The following XRN1 variants were observed in gnomAD, a reference collection of about 807,000 sequenced individuals.
XRN1 encodes strand-exchange protein 1 homolog.
A neutral mutation model predicts 222.3 loss-of-function variants in XRN1; 67 were observed. That is an observed-to-expected ratio of 0.30 (90% CI 0.25 to 0.37). The LOEUF (loss-of-function observed/expected upper bound fraction) is 0.37, where lower values mean the gene tolerates loss of function less well. Ranked by LOEUF, XRN1 falls within the 10% of genes least tolerant of loss-of-function variation. XRN1 has a pLI of 1.00. For synonymous variants in XRN1, 643 were observed against 652.4 expected, an observed-to-expected ratio of 0.99 and a Z score of 0.22; for missense variants, 1,707 against 2,000.2, an observed-to-expected ratio of 0.85 and a Z score of 2.80.
chr3:142,377,529 C>A (rs2067180988), intron 23 of XRN1, among the ~76,000 whole-genome samples: 1 of 152,090 alleles, frequency 6.6e-6, no homozygotes, highest in Admixed American at 6.5e-5. Context: ...GCACTTAATG[C>A]CCTTGAGCCA....
chr3:142,370,594 G>A lies in XRN1; in HGVS notation c.3095C>T (p.Thr1032Ile). The change falls in exon 27 of 41, where the codon ACT (threonine) becomes ATT (isoleucine). Residue 1032 changes from threonine to isoleucine, a missense_variant. Physicochemically the swap from Thr to Ile is moderately conservative, Grantham distance 89 (BLOSUM62 -1). Coordinates refer to ENST00000392981, the MANE Select transcript of XRN1 (RefSeq NM_001282857.2). ...ACTGACAGGATGTCCTTTTAGCCAA[G>A]TAATAATTTCTTGAACTTTTTCAGC... ...NGAEKVQEIITWLKGHPVSTL... is the reference protein window; with the variant it reads ...NGAEKVQEIIIWLKGHPVSTL... The A allele has an allele frequency of 1.9e-6, 3 of 1,581,636 alleles. No homozygotes were observed. Among genetic ancestry groups the A allele is most frequent in the Non-Finnish European group, 2.6e-6 (3 of 1,169,728 alleles).
At chr3:142,405,525 A>T (rs571717676) in intron 15 of XRN1, among the ~76,000 whole-genome samples, 188 of 152,172 alleles carry the variant, frequency 1.2e-3, no homozygotes, top group Middle Eastern at 6.8e-3. Context: ...TCTTTTTTTT[A>T]AAAAAAGAAT....
At chr3:142,371,154 T>C (rs2066979191) in intron 26 of XRN1, 85 bp downstream of exon 26, 10 of 1,065,844 alleles carry the variant, frequency 9.4e-6, no homozygotes, top group South Asian at 7.5e-5. Context: ...AAAAGTAATA[T>C]GAAATTCTTG....
chr3:142,412,511 T>C (rs1350212861), intron 15 of XRN1, 33 bp downstream of exon 15: 2 of 1,539,988 alleles, frequency 1.3e-6, no homozygotes, highest in South Asian at 1.3e-5. Context: ...ATTAAGAATG[T>C]ATGTGTATGT....
intron 26 of XRN1, 95 bp from the exon 27 acceptor site, chr3:142,370,715 C>CCCGATTAAGTTCAGTG: frequency 1.9e-6 from 2 of 1,071,186 alleles, no homozygotes; most frequent in African/African-American, 1.6e-5. Context: ...AATAATTAGT[C>CCCGATTAAGTTCAGTG]ACTGAACTTA....
intron 37 of XRN1, among the ~76,000 whole-genome samples, chr3:142,321,020 TGTTA>T (rs1188220421): frequency 6.6e-6 from 1 of 152,020 alleles, no homozygotes; most frequent in Non-Finnish European, 1.5e-5. Flanking sequence ...TCATATATTA[TGTTA>T]GTTAGGTAAG....
chr3:142,404,256 T>C (rs987068538), intron 16 of XRN1, among the ~76,000 whole-genome samples: 1 of 152,148 alleles, frequency 6.6e-6, no homozygotes, highest in African/African-American at 2.4e-5. Context: ...AGATAAAATA[T>C]GACACATAAC....
chr3:142,443,543 G>T (rs1322399351), intron 1 of XRN1, among the ~76,000 whole-genome samples: 11 of 152,190 alleles, frequency 7.2e-5, no homozygotes, highest in Admixed American at 7.2e-4. Context: ...ACAAGGATCG[G>T]GATGTAAACC....
chr3:142,359,800 T>C (rs2107840887), intron 30 of XRN1, 62 bp downstream of exon 30: 1 of 1,271,542 alleles, frequency 7.9e-7, no homozygotes. Context: ...TAAAAAGTAA[T>C]GTAAAGTCAC....
intron 36 of XRN1, among the ~76,000 whole-genome samples, chr3:142,330,509 G>T (rs780206865): frequency 3.3e-5 from 5 of 151,482 alleles, no homozygotes; most frequent in African/African-American, 4.9e-5. Flanking sequence ...CAGTTAAGTG[G>T]CTTGCTCAAA....
chr3:142,382,545 T>C (rs1279198934), intron 22 of XRN1, among the ~76,000 whole-genome samples: 1 of 152,158 alleles, frequency 6.6e-6, no homozygotes, highest in Admixed American at 6.5e-5. Flanking sequence ...CTCCCACCAT[T>C]CTTCTGAGCA....
rs557526710 is a variant in XRN1, at chr3:142,397,409, A to G, written c.2259T>C (p.Thr753=). The change falls in exon 20 of 41, where the codon ACT becomes ACC. Residue 753 remains threonine, a synonymous_variant. Transcript: ENST00000392981. Reference sequence around the variant, plus strand: ...GATGAACCACTTTAGATGGTGGGGCAGTTCTTCCTGAATAAAGCTTCTGTG... The same window carrying G: ...GATGAACCACTTTAGATGGTGGGGCGGTTCTTCCTGAATAAAGCTTCTGTG... ...PGTQKLYSGR[T]APPSKVVHLG... The G allele has an allele frequency of 9.3e-6, 15 of 1,609,370 alleles. No individual in the cohort carries two copies. The South Asian group carries it at 1.3e-4, about 14-fold the overall frequency.
At chr3:142,378,492 A>C (rs1299877403) in intron 23 of XRN1, among the ~76,000 whole-genome samples, 1 of 152,176 alleles carries the variant, frequency 6.6e-6, no homozygotes, top group Non-Finnish European at 1.5e-5. Context: ...TAGCCAGAGA[A>C]TAAGGACACA....
At chr3:142,395,322 G>T (rs1225421737) in intron 20 of XRN1, among the ~76,000 whole-genome samples, 1 of 152,170 alleles carries the variant, frequency 6.6e-6, no homozygotes, top group African/African-American at 2.4e-5. Flanking sequence ...ATAAACCTAA[G>T]TGCTCATGAA....
At chr3:142,369,618 A>T (rs1182779624) in intron 27 of XRN1, among the ~76,000 whole-genome samples, 3 of 150,714 alleles carry the variant, frequency 2.0e-5, no homozygotes, top group Admixed American at 2.0e-4. Context: ...ACTTCACTCC[A>T]GCCTCGGTGA....
intron 40 of XRN1, among the ~76,000 whole-genome samples, chr3:142,312,076 C>A (rs909424172): frequency 2.0e-5 from 3 of 151,956 alleles, no homozygotes; most frequent in Non-Finnish European, 4.4e-5. Context: ...CGGTAGAGAC[C>A]TAGGGTTCGA....
intron 1 of XRN1, among the ~76,000 whole-genome samples, chr3:142,439,804 AG>A (rs2070113264): frequency 6.6e-6 from 1 of 151,850 alleles, no homozygotes; most frequent in African/African-American, 2.4e-5. Context: ...TGGACTTTGG[AG>A]GCTCTGGAAA....
intron 39 of XRN1, among the ~76,000 whole-genome samples, chr3:142,317,195 C>A (rs1475238815): frequency 6.6e-6 from 1 of 152,142 alleles, no homozygotes; most frequent in Admixed American, 6.5e-5. Context: ...TTGTGCTCAA[C>A]ATTTGGTGGC....
intron 20 of XRN1, among the ~76,000 whole-genome samples, chr3:142,387,849 C>T (rs576607063): frequency 6.6e-6 from 1 of 152,170 alleles, no homozygotes; most frequent in South Asian, 2.1e-4. Context: ...CCCATGAGAA[C>T]TGACTGTTAA....
Sources: gnomAD v4.1 joint callset for allele counts (sites outside exome capture counted in the v4.1 genomes callset) on GRCh38, gnomAD v4.1.1 for gene constraint, MANE v1.5 for transcripts, NCBI Gene and HGNC (gene_info 2026-07-23, HGNC 2026-07-21) for gene names.